The following TUB variants were observed in gnomAD, a reference collection of about 807,000 sequenced individuals.
TUB encodes the protein TUB bipartite transcription factor.
In TUB, 33 loss-of-function variants were observed where a neutral mutation model predicts 59.7. The ratio of observed to expected loss-of-function variants is 0.55; its 90% CI spans 0.42 to 0.74. TUB has a LOEUF of 0.74. Ranked by LOEUF, TUB falls within the 30% of genes least tolerant of loss-of-function variation. The pLI is 0.00. For synonymous variants in TUB, 293 were observed against 256.4 expected (o/e 1.14, Z -1.36); for missense variants, 659 against 672.0 (o/e 0.98, Z 0.21).
At chr11:8,083,698 C>T (rs1308846504) in intron 1 of TUB, among the ~76,000 whole-genome samples, 4 of 151,916 alleles carry the variant, frequency 2.6e-5, no homozygotes, top group Non-Finnish European at 5.9e-5. Context: ...CCCCGAGGAG[C>T]GTCTCAACAC....
intron 2 of TUB, among the ~76,000 whole-genome samples, chr11:8,048,721 T>A (rs1361664786): frequency 2.6e-5 from 4 of 152,196 alleles, no homozygotes; most frequent in Non-Finnish European, 5.9e-5. Context: ...CTGTATTTTT[T>A]AAAACAATCA....
At chr11:8,045,415 A>G (rs1465583147) in intron 2 of TUB, among the ~76,000 whole-genome samples, 1 of 152,154 alleles carries the variant, frequency 6.6e-6, no homozygotes, top group African/African-American at 2.4e-5. Context: ...ATGCCTGGGT[A>G]ATTTTTGATT....
intron 2 of TUB, among the ~76,000 whole-genome samples, chr11:8,049,578 T>TATATATATATATAGATAG (rs1055522231): frequency 0.012 from 1,034 of 85,850 alleles, 21 homozygotes; most frequent in Admixed American, 0.043. Context: ...TATATATATA[T>TATATATATATATAGATAG]ATAGATAGAT....
intron 2 of TUB, among the ~76,000 whole-genome samples, chr11:8,045,372 C>T (rs1027171106): frequency 1.3e-5 from 2 of 152,162 alleles, no homozygotes; most frequent in Non-Finnish European, 2.9e-5. Context: ...GATTTTTCTC[C>T]TAGTTATGCA....
rs376825080 is a variant in TUB, at chr11:8,098,854, G to A, written c.1095G>A (p.Gln365=). The change falls in exon 9 of 12, where the codon CAG becomes CAA. Residue 365 remains glutamine, a synonymous_variant. Transcript: ENST00000299506. ...SSTLESGTLR[Q]ELAAVCYETN... is the part of the protein sequence containing the mutation. ...CTTTGGAAAGTGGAACCTTACGTCAGGAGCTGGCAGCTGTGTGCTACGTGA... is the reference window on the plus strand; with the variant it reads ...CTTTGGAAAGTGGAACCTTACGTCAAGAGCTGGCAGCTGTGTGCTACGTGA... The A allele has an allele frequency of 6.2e-7, 1 of 1,614,014 alleles. No homozygotes were observed. Among genetic ancestry groups the A allele is most frequent in the Non-Finnish European group, 8.5e-7 (1 of 1,179,876 alleles).
upstream of TUB, among the ~76,000 whole-genome samples, chr11:8,078,918 C>T (rs1943495310): frequency 6.6e-6 from 1 of 152,074 alleles, no homozygotes. Flanking sequence ...GGCTCCCCCA[C>T]ATGTACACAC....
chr11:8,064,689 G>GT, intron 2 of TUB, among the ~76,000 whole-genome samples: 2 of 152,210 alleles, frequency 1.3e-5, no homozygotes, highest in Non-Finnish European at 2.9e-5. Context: ...GGCAGAGACA[G>GT]TGAGGGTCAG....
In TUB at chr11:8,049,578, T is replaced by TATAGATAG. The variant is rs1554923442; in HGVS notation, c.203+9906_203+9913dup. ...ATTATGTGGTATATATATATATATA[T>TATAGATAG]ATAGATAGATAGATAGATAGATAGA... On this transcript the variant is annotated intron_variant, in intron 2 of 12. Transcript: ENST00000305253. Among the ~76,000 whole-genome samples the TATAGATAG allele has an allele frequency of 1.3e-3, 115 of 85,920 alleles. 1 individual carries two copies. The highest frequency in any genetic ancestry group is 3.7e-3 in the African/African-American group (105 of 28,556). The allele number at this position is 85,920 out of a possible 152,430, so 56.4% of individuals were successfully genotyped here.
At chr11:8,045,480 G>T (rs1005870053) in intron 2 of TUB, among the ~76,000 whole-genome samples, 2 of 152,122 alleles carry the variant, frequency 1.3e-5, no homozygotes, top group African/African-American at 2.4e-5. Context: ...TCCTTTAATA[G>T]TTAATGGTGG....
At chr11:8,054,988 G>T (rs1038139631) in intron 2 of TUB, among the ~76,000 whole-genome samples, 8 of 152,180 alleles carry the variant, frequency 5.3e-5, no homozygotes, top group Non-Finnish European at 8.8e-5. Context: ...GAGTCACTCT[G>T]TCATGACTAA....
chr11:8,073,108 G>C (rs1943388004), intron 2 of TUB, among the ~76,000 whole-genome samples: 1 of 152,192 alleles, frequency 6.6e-6, no homozygotes, highest in East Asian at 1.9e-4. Flanking sequence ...TTCCTCTATA[G>C]CTGCTGCCTC....
chr11:8,095,271 G>A (rs566720688), intron 4 of TUB, among the ~76,000 whole-genome samples: 2 of 152,172 alleles, frequency 1.3e-5, no homozygotes, highest in African/African-American at 2.4e-5. Context: ...ACCAACCCTC[G>A]GCAATTAATT....
At chr11:8,068,910 G>A (rs1185495887) in intron 2 of TUB, 1 of 152,164 alleles carries the variant, frequency 6.6e-6, no homozygotes, top group Non-Finnish European at 1.5e-5. Flanking sequence ...AATGAACAGG[G>A]CCGGCCTACG....
chr11:8,101,838 G>GTT lies in TUB; in HGVS notation c.*219_*220insTT. The GTT allele has an allele frequency of 2.0e-6, 1 of 507,036 alleles. No individual in the cohort carries two copies. Among genetic ancestry groups the GTT allele is most frequent in the Non-Finnish European group, 3.0e-6 (1 of 332,764 alleles). 31.4% of individuals were successfully genotyped at this position (507,036 alleles called of 1,614,324 possible). On this transcript the variant is annotated 3_prime_UTR_variant, in exon 12 of 12. Transcript: ENST00000299506. ...AGCGGGTGGGTGGGTGTGAAGGGAT[G>GTT]AGAATAATTCTTTCCATGCCACGAG...
rs371978476 is a variant in TUB, at chr11:8,092,317, C to G, written c.254-1729C>G. On this transcript the variant is annotated intron_variant, in intron 3 of 11. Transcript: ENST00000299506. The stretch of plus-strand genomic sequence containing the variant: ...GGTGTGGTGACACCTGCCTGTAGTC[C>G]CAGCTACGTAGGAGGATCACTTGAG... Among the ~76,000 whole-genome samples the G allele has an allele frequency of 7.2e-5, 11 of 152,118 alleles. No homozygotes were observed. In the East Asian group the frequency reaches 7.7e-4, roughly 11 times the overall value.
intron 11 of TUB, 114 bp downstream of exon 11, chr11:8,101,111 T>C (rs1944279945): frequency 2.3e-6 from 3 of 1,291,820 alleles, no homozygotes; most frequent in Non-Finnish European, 3.2e-6. Flanking sequence ...ATGTGAGCTA[T>C]ACAGCTAAGG....
intron 9 of TUB, among the ~76,000 whole-genome samples, chr11:8,099,227 C>T (rs917424762): frequency 3.9e-5 from 6 of 152,134 alleles, no homozygotes; most frequent in Admixed American, 2.6e-4. Flanking sequence ...ATGGATTACA[C>T]GGCACTTTGT....
At chr11:8,100,480 C>A (rs1292857553) in intron 9 of TUB, 23 bp from the exon 10 acceptor site, 1 of 1,600,406 alleles carries the variant, frequency 6.2e-7, no homozygotes, top group Non-Finnish European at 8.6e-7. Context: ...CTCAGGTGGC[C>A]AGTGTTGCGT....
At chr11:8,078,302 AC>A (rs1589953548), upstream of TUB, among the ~76,000 whole-genome samples, 1 of 151,958 alleles carries the variant, frequency 6.6e-6, no homozygotes, top group Non-Finnish European at 1.5e-5. Context: ...CAAATATCTT[AC>A]CCTTGCAGGA....
Sources: allele counts gnomAD v4.1 joint callset (sites outside exome capture counted in the v4.1 genomes callset), GRCh38; gene constraint gnomAD v4.1.1; transcripts MANE v1.5; gene names NCBI Gene and HGNC (gene_info 2026-07-23, HGNC 2026-07-21).